The following ELL2 variants were observed in gnomAD, a reference collection of about 807,000 sequenced individuals.
ELL2 encodes the protein RNA polymerase II elongation factor ELL2.
In ELL2, 21 loss-of-function variants were observed where a neutral mutation model predicts 72.8. That is an observed-to-expected ratio of 0.29 (90% CI 0.20 to 0.42). The LOEUF (loss-of-function observed/expected upper bound fraction) is 0.42, where lower values mean the gene tolerates loss of function less well. Ranked by LOEUF, ELL2 falls within the 10% of genes least tolerant of loss-of-function variation. The pLI is 1.00. For synonymous variants in ELL2, 266 were observed against 283.2 expected (o/e 0.94, Z 0.61); for missense variants, 568 against 772.8 (o/e 0.73, Z 3.14).
intron 5 of ELL2, among the ~76,000 whole-genome samples, chr5:95,902,860 C>T (rs1010395112): frequency 1.3e-5 from 2 of 152,148 alleles, no homozygotes; most frequent in Non-Finnish European, 2.9e-5. Flanking sequence ...TGGCTCACTG[C>T]AGCCTTGACT....
In ELL2 at chr5:95,913,807, T is replaced by C. The variant is rs1393004337; in HGVS notation, c.445A>G (p.Ser149Gly). 1 of 1,612,556 alleles carries C rather than the reference T, an allele frequency of 6.2e-7. No individual in the cohort carries two copies. Among genetic ancestry groups the C allele is most frequent in the Non-Finnish European group, 8.5e-7 (1 of 1,179,396 alleles). The change falls in exon 4 of 12, where the codon AGC becomes GGC. Residue 149 changes from serine to glycine, a missense_variant. Physicochemically the swap from Ser to Gly is moderately conservative, Grantham distance 56. Coordinates refer to ENST00000237853, the MANE Select transcript of ELL2 (RefSeq NM_012081.6). ...TQAEEESRNR[S>G]TKVIKPGGPY... ...CCACCGGGTTTGATAACTTTTGTGC[T>C]TCGGTTGCGGGATTCCTCCTCTGCC...
intron 1 of ELL2, among the ~76,000 whole-genome samples, chr5:95,948,935 G>A (rs1483684338): frequency 2.0e-5 from 3 of 152,176 alleles, no homozygotes; most frequent in Admixed American, 6.5e-5. Context: ...TACTTTCACT[G>A]CTCTTAGAAG....
chr5:95,894,045 G>A (rs1223317596), intron 9 of ELL2, among the ~76,000 whole-genome samples: 1 of 152,122 alleles, frequency 6.6e-6, no homozygotes, highest in African/African-American at 2.4e-5. Context: ...GAGGTCAGGA[G>A]TTCGAGACTA....
In ELL2 at chr5:95,898,411, C is replaced by T; in HGVS notation, c.1354G>A (p.Glu452Lys). 1 of 1,613,360 alleles carries T rather than the reference C, an allele frequency of 6.2e-7. No individual in the cohort carries two copies. The highest frequency in any genetic ancestry group is 1.1e-5 in the South Asian group (1 of 91,050). Residue 452 changes from glutamate to lysine, a missense_variant, in exon 8 of 12, where the codon GAA becomes AAA. This residue lies in a region of ELL2 where 511 missense variants were observed against 728.4 expected (regional missense o/e 0.70). Transcript: ENST00000237853. Reference sequence around the variant, plus strand: ...TTGTGAGACATTGAATGGTTTTCTTCCATAGGCTTTGGACACTTTAGTAGA... The same window carrying T: ...TTGTGAGACATTGAATGGTTTTCTTTCATAGGCTTTGGACACTTTAGTAGA... The part of the protein sequence containing the change: ...SVLLKCPKPM[E>K]ENHSMSHKKS...
intron 1 of ELL2, among the ~76,000 whole-genome samples, chr5:95,948,367 T>A (rs1446956283): frequency 7.0e-6 from 1 of 141,988 alleles, no homozygotes; most frequent in Non-Finnish European, 1.5e-5. Flanking sequence ...GAGGCGGAGC[T>A]TGCAGTGAGC....
chr5:95,943,289 G>T (rs989195244), intron 1 of ELL2, among the ~76,000 whole-genome samples: 4 of 150,440 alleles, frequency 2.7e-5, no homozygotes, highest in Admixed American at 6.6e-5. Context: ...AAGAAAGAAA[G>T]AAATATATGT....
chr5:95,933,009 T>C (rs749587917), intron 2 of ELL2, among the ~76,000 whole-genome samples: 5 of 152,206 alleles, frequency 3.3e-5, no homozygotes, highest in Non-Finnish European at 5.9e-5. Flanking sequence ...TACTTTACGC[T>C]ATCTTAAAAC....
chr5:95,953,444 A>G (rs778804556), intron 1 of ELL2, among the ~76,000 whole-genome samples: 2 of 152,254 alleles, frequency 1.3e-5, no homozygotes, highest in Non-Finnish European at 2.9e-5. Flanking sequence ...AAAAGCAATG[A>G]TATTAAATGT....
chr5:95,887,049 A>G lies in ELL2; in HGVS notation c.*1822T>C, dbSNP rs1439286727. 6.6e-6 allele frequency: 1 copy of G among 152,166 alleles called. No individual in the cohort carries two copies. The highest frequency in any genetic ancestry group is 1.5e-5 in the Non-Finnish European group (1 of 68,028). The allele number at this position is 152,166 out of a possible 1,614,324, so 9.4% of individuals were successfully genotyped here. On this transcript the variant is annotated 3_prime_UTR_variant, in exon 12 of 12. Coordinates refer to ENST00000237853, the MANE Select transcript of ELL2 (RefSeq NM_012081.6). Reference sequence around the variant, plus strand: ...GTTTCCCTTTCCTTTTTTCAATTAAAAAGTTTGAAATAAATTAACGTTTAA... The same window carrying G: ...GTTTCCCTTTCCTTTTTTCAATTAAGAAGTTTGAAATAAATTAACGTTTAA...
At chr5:95,927,368 C>T (rs1377030121) in intron 2 of ELL2, among the ~76,000 whole-genome samples, 1 of 106,226 alleles carries the variant, frequency 9.4e-6, no homozygotes, top group Non-Finnish European at 1.8e-5. Flanking sequence ...TATATATAGA[C>T]ATACACACAC....
intron 2 of ELL2, among the ~76,000 whole-genome samples, chr5:95,940,358 G>A (rs1014129306): frequency 1.3e-5 from 2 of 152,046 alleles, no homozygotes; most frequent in Non-Finnish European, 1.5e-5. Flanking sequence ...TTCAACCTAA[G>A]GGAACATGTT....
At chr5:95,905,827 A>T (rs1025329247) in intron 5 of ELL2, among the ~76,000 whole-genome samples, 1 of 151,896 alleles carries the variant, frequency 6.6e-6, no homozygotes, top group Non-Finnish European at 1.5e-5. Flanking sequence ...AAAAAGATGG[A>T]CCACCATTTA....
At chr5:95,897,842 T>C (rs1748932623) in intron 8 of ELL2, among the ~76,000 whole-genome samples, 1 of 152,220 alleles carries the variant, frequency 6.6e-6, no homozygotes. Flanking sequence ...TGACCCTGTT[T>C]CATTGAGAAA....
chr5:95,921,932 T>C (rs1750102430), intron 2 of ELL2, among the ~76,000 whole-genome samples: 4 of 152,230 alleles, frequency 2.6e-5, no homozygotes, highest in Admixed American at 2.0e-4. Context: ...CCATATGATA[T>C]TTCATCTTCC....
chr5:95,940,816 T>C lies in ELL2; in HGVS notation c.195+2186A>G, dbSNP rs10515231. On this transcript the variant is annotated intron_variant, in intron 2 of 11. Transcript: ENST00000237853. ...TCAGCAAGGCAACATTAAATTATCA[T>C]GGCTCTCGAGAAAAACAGAGGAGCA... is the stretch of plus-strand genomic sequence containing the variant. Among the ~76,000 whole-genome samples, 1,027 of 152,310 alleles carry C rather than the reference T, an allele frequency of 6.7e-3. 37 individuals carry two copies. Among genetic ancestry groups the C allele is most frequent in the Admixed American group, 0.058 (894 of 15,302 alleles).
intron 8 of ELL2, among the ~76,000 whole-genome samples, chr5:95,896,576 C>T (rs571052524): frequency 1.8e-4 from 28 of 152,254 alleles, no homozygotes; most frequent in Middle Eastern, 3.4e-3. Context: ...GCATGCTGCT[C>T]ACCTATAAAT....
At chr5:95,923,510 G>T (rs772011784) in intron 2 of ELL2, among the ~76,000 whole-genome samples, 1 of 152,350 alleles carries the variant, frequency 6.6e-6, no homozygotes, top group Non-Finnish European at 1.5e-5. Context: ...GGACCAAAGG[G>T]TGACTCTTGA....
intron 1 of ELL2, among the ~76,000 whole-genome samples, chr5:95,958,845 C>T (rs1751712222): frequency 6.6e-6 from 1 of 152,088 alleles, no homozygotes; most frequent in Non-Finnish European, 1.5e-5. Context: ...GGAAAAAGTA[C>T]TAGAAGCAGT....
chr5:95,917,560 G>A (rs375875742), intron 3 of ELL2, among the ~76,000 whole-genome samples: 3 of 152,216 alleles, frequency 2.0e-5, no homozygotes, highest in African/African-American at 7.2e-5. Flanking sequence ...TTGCCAGGCT[G>A]TGAAGTGAAA....
Sources: gnomAD v4.1 joint callset for allele counts (sites outside exome capture counted in the v4.1 genomes callset) on GRCh38, gnomAD v4.1.1 for gene constraint, gnomAD v4.1.1 regional missense constraint, MANE v1.5 for transcripts, NCBI Gene and HGNC (gene_info 2026-07-23, HGNC 2026-07-21) for gene names.